The following NXPE3 variants were observed in gnomAD, a reference collection of about 807,000 sequenced individuals.
NXPE3 encodes the protein NXPE family member 3.
NXPE3 carries 26 observed loss-of-function variants against 46.1 expected under a neutral mutation model. The observed-to-expected ratio is 0.56, with a 90% CI of 0.41 to 0.78. NXPE3 has a LOEUF of 0.78. Among genes scored for constraint, NXPE3 ranks in the 30% least tolerant of loss-of-function variants. The pLI is 0.00. For missense variants in NXPE3, 620 were observed against 686.0 expected, an observed-to-expected ratio of 0.90 and a Z score of 1.07; for synonymous variants, 272 against 257.9, an observed-to-expected ratio of 1.05 and a Z score of -0.52.
At chr3:101,804,698 T>C (rs1306572018) in intron 5 of NXPE3, among the ~76,000 whole-genome samples, 2 of 152,226 alleles carry the variant, frequency 1.3e-5, no homozygotes, top group African/African-American at 4.8e-5. Context: ...ATAACCTTAC[T>C]TAAACCAGAA....
intron 3 of NXPE3, among the ~76,000 whole-genome samples, chr3:101,783,414 A>G (rs1056040128): frequency 6.6e-6 from 1 of 152,216 alleles, no homozygotes; most frequent in Non-Finnish European, 1.5e-5. Context: ...CGCAACATCT[A>G]TTTAGGTGTA....
In NXPE3 at chr3:101,826,533, G is replaced by A. The variant is rs1942493341; in HGVS notation, c.*4579G>A. 6.6e-6 allele frequency: 1 copy of A among 152,076 alleles called. No homozygotes were observed. The highest frequency in any genetic ancestry group is 6.6e-5 in the Admixed American group (1 of 15,260). The allele number at this position is 152,076 out of a possible 1,614,324, so 9.4% of individuals were successfully genotyped here. A position where few individuals can be genotyped will look rare whatever the true frequency, so the allele number is the denominator to read the frequency against. On this transcript the variant is annotated 3_prime_UTR_variant, in exon 8 of 8. Coordinates refer to ENST00000273347, the MANE Select transcript of NXPE3 (RefSeq NM_145037.4). ...CTCAGTGTGCAATAAATAAAATTTTGAAGTTGTTGTTTTTCATTTGAAGGT... is the reference window on the plus strand; with the variant it reads ...CTCAGTGTGCAATAAATAAAATTTTAAAGTTGTTGTTTTTCATTTGAAGGT...
intron 1 of NXPE3, among the ~76,000 whole-genome samples, chr3:101,780,986 G>T (rs887178389): frequency 6.6e-6 from 1 of 152,192 alleles, no homozygotes; most frequent in Non-Finnish European, 1.5e-5. Flanking sequence ...TAGGGTCCTG[G>T]ATGGGTCTCC....
chr3:101,789,036 T>C (rs957576065), intron 4 of NXPE3, among the ~76,000 whole-genome samples: 3 of 152,246 alleles, frequency 2.0e-5, no homozygotes, highest in African/African-American at 7.2e-5. Context: ...ACCAGAGATT[T>C]GTGTTTTATT....
Position 101,822,878 on chromosome 3 carries a change from C to G in NXPE3, c.*924C>G, listed in dbSNP as rs1433440790. ...TGTTGTTGTTATTTTGAACTACTTA[C>G]CAAAATTAGAAGTTAAAATCTAATT... On this transcript the variant is annotated 3_prime_UTR_variant, in exon 8 of 8. Coordinates refer to ENST00000273347, the MANE Select transcript of NXPE3 (RefSeq NM_145037.4). 1 of 150,532 alleles carries G rather than the reference C, an allele frequency of 6.6e-6. No homozygotes were observed. Among genetic ancestry groups the G allele is most frequent in the African/African-American group, 2.4e-5 (1 of 40,900 alleles). The allele number at this position is 150,532 out of a possible 1,614,324, so 9.3% of individuals were successfully genotyped here.
chr3:101,787,029 C>G (rs1940226614), intron 4 of NXPE3, among the ~76,000 whole-genome samples: 1 of 152,112 alleles, frequency 6.6e-6, no homozygotes, highest in Non-Finnish European at 1.5e-5. Context: ...TCAAGACCAG[C>G]CTGGTCAACC....
Position 101,801,796 on chromosome 3 carries a change from A to T in NXPE3, c.655A>T (p.Ile219Phe). ...YFKSLFRSGRISETTECNVCL... is the reference protein window; with the variant it reads ...YFKSLFRSGRFSETTECNVCL... ...CAAGAGTCTCTTCCGTTCAGGAAGA[A>T]TTTCTGAAACTACTGAGTGCAACGT... is the stretch of plus-strand genomic sequence containing the variant. The change falls in exon 5 of 8, where the codon ATT (isoleucine) becomes TTT (phenylalanine). Residue 219 changes from isoleucine to phenylalanine, a missense_variant. Around this residue, in one of 3 missense-constraint regions of NXPE3, gnomAD observed 511 missense variants for 528.6 expected, o/e 0.97. Transcript: ENST00000273347. 1 of 1,614,218 alleles carries T rather than the reference A, an allele frequency of 6.2e-7. No individual in the cohort carries two copies. Among genetic ancestry groups the T allele is most frequent in the East Asian group, 2.2e-5 (1 of 44,880 alleles).
chr3:101,800,600 A>T (rs1266888915), intron 4 of NXPE3, among the ~76,000 whole-genome samples: 1 of 151,934 alleles, frequency 6.6e-6, no homozygotes, highest in African/African-American at 2.4e-5. Context: ...CTGATAGAGG[A>T]TTGTTGAAGT....
At position 101,801,442 on chromosome 3, in the gene NXPE3, A is replaced by G. The variant is rs1941143554; in HGVS notation, c.301A>G (p.Thr101Ala). ...GGGCCCAGTCCCCTTTGTGAAGAGCACTGACCCTTCTTCCAGCTACTTTGT... is the reference window on the plus strand; with the variant it reads ...GGGCCCAGTCCCCTTTGTGAAGAGCGCTGACCCTTCTTCCAGCTACTTTGT... The part of the protein sequence containing the change: ...DVGPVPFVKS[T>A]DPSSSYFVIL... The change falls in exon 5 of 8, where the codon ACT (threonine) becomes GCT (alanine). Residue 101 changes from threonine to alanine, a missense_variant. This residue lies in a region of NXPE3 where 511 missense variants were observed against 528.6 expected (regional missense o/e 0.97). Coordinates refer to ENST00000273347, the MANE Select transcript of NXPE3 (RefSeq NM_145037.4). 1 of 1,614,074 alleles carries G rather than the reference A, an allele frequency of 6.2e-7. No homozygotes were observed. The highest frequency in any genetic ancestry group is 1.7e-5 in the Admixed American group (1 of 59,990).
At chr3:101,799,070 G>T (rs1940998868) in intron 4 of NXPE3, among the ~76,000 whole-genome samples, 1 of 151,998 alleles carries the variant, frequency 6.6e-6, no homozygotes, top group African/African-American at 2.4e-5. Context: ...GTGTAGCTAG[G>T]ACTACAGGCA....
intron 6 of NXPE3, among the ~76,000 whole-genome samples, chr3:101,808,818 G>GATAGATATATATATAT (rs1553802986): frequency 6.5e-5 from 2 of 30,810 alleles, no homozygotes; most frequent in African/African-American, 2.3e-4. Flanking sequence ...AATTTTAGAG[G>GATAGATATATATATAT]ATATATATAT....
intron 7 of NXPE3, among the ~76,000 whole-genome samples, chr3:101,818,392 G>GT (rs1942058464): frequency 6.6e-6 from 1 of 152,122 alleles, no homozygotes; most frequent in Admixed American, 6.5e-5. Flanking sequence ...ATGCTGACCA[G>GT]TGAGGGCCTT....
chr3:101,808,840 T>C lies in NXPE3; in HGVS notation c.922+1714T>C, dbSNP rs142546151. On this transcript the variant is annotated intron_variant, in intron 6 of 7. Coordinates refer to ENST00000273347, the MANE Select transcript of NXPE3 (RefSeq NM_145037.4). ...GAGGATATATATATATATATATATA[T>C]ATATATATATATATATGAGACATTT... Among the ~76,000 whole-genome samples the C allele has an allele frequency of 8.0e-3, 890 of 110,720 alleles. 52 individuals carry two copies. Among genetic ancestry groups the C allele is most frequent in the Middle Eastern group, 0.041 (10 of 244 alleles). 72.6% of individuals were successfully genotyped at this position (110,720 alleles called of 152,430 possible).
intron 4 of NXPE3, among the ~76,000 whole-genome samples, chr3:101,799,576 C>T (rs528782370): frequency 4.6e-5 from 7 of 152,076 alleles, no homozygotes; most frequent in Non-Finnish European, 1.0e-4. Flanking sequence ...CAGGCGCCTG[C>T]CACCACACTC....
In NXPE3 at chr3:101,801,640, G is replaced by A. The variant is rs1398180334; in HGVS notation, c.499G>A (p.Gly167Arg). 1 of 1,614,192 alleles carries A rather than the reference G, an allele frequency of 6.2e-7. No individual in the cohort carries two copies. ...AVGRVVDYQN[G>R]FYKVFFTLLW... ...GGGCAGGGTGGTGGATTACCAGAAT[G>A]GGTTTTACAAGGTTTTCTTTACTTT... The change falls in exon 5 of 8, where the codon GGG (glycine) becomes AGG (arginine). Residue 167 changes from glycine to arginine, a missense_variant. By Grantham distance (125) the Gly-to-Arg change is moderately radical. Around this residue, in one of 3 missense-constraint regions of NXPE3, gnomAD observed 511 missense variants for 528.6 expected, o/e 0.97. Coordinates refer to ENST00000273347, the MANE Select transcript of NXPE3 (RefSeq NM_145037.4).
rs554725801 is a variant in NXPE3 at position 101,796,002 on chromosome 3, C to A, written c.94-5233C>A. ...TCAAGGTACTGTGTTTTTTCATTTG[C>A]AAGTACAATTCAAATAGCTGTTACC... On this transcript the variant is annotated intron_variant, in intron 4 of 7. Transcript: ENST00000273347. Among the ~76,000 whole-genome samples, 4 of 152,272 alleles carry A rather than the reference C, an allele frequency of 2.6e-5. No individual in the cohort carries two copies. The South Asian group carries it at 8.3e-4, about 32-fold the overall frequency.
At chr3:101,808,309 G>A (rs551420130) in intron 6 of NXPE3, among the ~76,000 whole-genome samples, 2 of 152,292 alleles carry the variant, frequency 1.3e-5, no homozygotes, top group East Asian at 3.9e-4. Flanking sequence ...CAGATGGCGG[G>A]CAAGGTCCTT....
chr3:101,781,995 C>T (rs1939851745), intron 1 of NXPE3, 115 bp from the exon 2 acceptor site: 1 of 152,196 alleles, frequency 6.6e-6, no homozygotes, highest in Non-Finnish European at 1.5e-5. Context: ...ACTCCTCCCA[C>T]TATATCATGT....
rs981734931 is a variant in NXPE3 at position 101,822,361 on chromosome 3, C to G, written c.*407C>G. The G allele has an allele frequency of 5.9e-6, 1 of 170,134 alleles. No individual in the cohort carries two copies. Among genetic ancestry groups the G allele is most frequent in the Admixed American group, 5.5e-5 (1 of 18,222 alleles). 10.5% of individuals were successfully genotyped at this position (170,134 alleles called of 1,614,324 possible). ...ATCTGGTAAAGGAAATTGAGTGCAT[C>G]TGCATGCATAGCACAAGTAATCCAT... On this transcript the variant is annotated 3_prime_UTR_variant, in exon 8 of 8. Coordinates refer to ENST00000273347, the MANE Select transcript of NXPE3 (RefSeq NM_145037.4).
Sources: gnomAD v4.1 joint callset for allele counts (sites outside exome capture counted in the v4.1 genomes callset) on GRCh38, gnomAD v4.1.1 for gene constraint, gnomAD v4.1.1 regional missense constraint, MANE v1.5 for transcripts, NCBI Gene and HGNC (gene_info 2026-07-23, HGNC 2026-07-21) for gene names.